DRD2: variants seen among roughly 807,000 people sequenced by gnomAD.
DRD2 encodes the protein D(2) dopamine receptor.
A neutral mutation model predicts 38.0 loss-of-function variants in DRD2; 8 were observed. That is an observed-to-expected ratio of 0.21 (90% confidence interval 0.12 to 0.38). The LOEUF (loss-of-function observed/expected upper bound fraction) is 0.38. DRD2 is among the 10% of genes least tolerant of loss of function. The pLI, the probability that DRD2 is intolerant of heterozygous loss-of-function variation, is 1.00. For synonymous variants in DRD2, 230 were observed against 238.6 expected, an observed-to-expected ratio of 0.96 and a Z score of 0.33; for missense variants, 403 against 607.7, an observed-to-expected ratio of 0.66 and a Z score of 3.54.
At chr11:113,419,611 G>T (rs964218098) in intron 2 of DRD2, among the ~76,000 whole-genome samples, 3 of 152,008 alleles carry the variant, frequency 2.0e-5, no homozygotes, top group Non-Finnish European at 4.4e-5. Flanking sequence ...GTTCCCTGAG[G>T]ATGGAGTCAG....
intron 1 of DRD2, among the ~76,000 whole-genome samples, chr11:113,448,613 C>CA (rs1951178158): frequency 6.6e-6 from 1 of 152,218 alleles, no homozygotes; most frequent in African/African-American, 2.4e-5. Flanking sequence ...AAGACAGAGC[C>CA]AGAGGGCCTG....
intron 2 of DRD2, 35 bp from the exon 3 acceptor site, chr11:113,418,171 G>A (rs965186890): frequency 7.0e-6 from 11 of 1,566,422 alleles, no homozygotes; most frequent in Non-Finnish European, 9.7e-6. Context: ...TGGACAGCAG[G>A]AGTGGGAGAT....
At chr11:113,456,572 T>A (rs77541954) in intron 1 of DRD2, among the ~76,000 whole-genome samples, 8,147 of 152,132 alleles carry the variant, frequency 0.054, 286 homozygotes, top group East Asian at 0.12. Context: ...CAATTTTTTT[T>A]AAAAAAAGAA....
chr11:113,473,401 C>T (rs905619900), intron 1 of DRD2, among the ~76,000 whole-genome samples: 17 of 152,122 alleles, frequency 1.1e-4, no homozygotes, highest in Admixed American at 7.9e-4. Flanking sequence ...AGCAAAAATA[C>T]GCATTTTTAA....
At chr11:113,474,765 T>G (rs1951463820) in intron 1 of DRD2, among the ~76,000 whole-genome samples, 1 of 151,784 alleles carries the variant, frequency 6.6e-6, no homozygotes, top group African/African-American at 2.4e-5. Context: ...GGCTCCGCCG[T>G]GCTGCCCTGG....
rs190427089 is a variant in DRD2, at chr11:113,464,252, G to A, written c.-32+10824C>T. ...CACTGGAGGTGTGTACTGCATGGCG[G>A]CAGCAGCCCCTCCCCTCCCAGCCTC... On this transcript the variant is annotated intron_variant, in intron 1 of 7. Transcript: ENST00000362072. Among the ~76,000 whole-genome samples, 18 of 152,244 alleles carry A rather than the reference G, an allele frequency of 1.2e-4. No individual in the cohort carries two copies. The South Asian group carries it at 2.9e-3, about 25-fold the overall frequency.
chr11:113,457,154 C>T (rs985269857), intron 1 of DRD2, among the ~76,000 whole-genome samples: 2 of 152,162 alleles, frequency 1.3e-5, no homozygotes, highest in Non-Finnish European at 2.9e-5. Flanking sequence ...GACAGACCTG[C>T]ATTTGAATCC....
intron 1 of DRD2, among the ~76,000 whole-genome samples, chr11:113,446,032 A>G (rs1951145153): frequency 6.6e-6 from 1 of 152,002 alleles, no homozygotes; most frequent in Admixed American, 6.5e-5. Context: ...TGGCCCAGTA[A>G]GTTTTTCTCT....
intron 1 of DRD2, among the ~76,000 whole-genome samples, chr11:113,436,887 C>T (rs1163420679): frequency 6.6e-6 from 1 of 152,126 alleles, no homozygotes; most frequent in African/African-American, 2.4e-5. Flanking sequence ...CCTTTTCTGC[C>T]AGTCTGGCTG....
intron 1 of DRD2, among the ~76,000 whole-genome samples, chr11:113,460,913 C>A (rs1238912340): frequency 6.6e-6 from 1 of 152,248 alleles, no homozygotes; most frequent in Non-Finnish European, 1.5e-5. Context: ...CTGAGAACAG[C>A]TCCTTGGAAA....
intron 1 of DRD2, among the ~76,000 whole-genome samples, chr11:113,441,800 C>G (rs1951095466): frequency 6.6e-6 from 1 of 152,100 alleles, no homozygotes; most frequent in African/African-American, 2.4e-5. Flanking sequence ...CTGGCTAACA[C>G]AGTGAAACCC....
intron 1 of DRD2, among the ~76,000 whole-genome samples, chr11:113,444,940 G>T (rs1951130839): frequency 6.6e-6 from 1 of 152,224 alleles, no homozygotes; most frequent in African/African-American, 2.4e-5. Flanking sequence ...TTTTGTAGCT[G>T]CATGGGATCT....
intron 6 of DRD2, 97 bp from the exon 7 acceptor site, chr11:113,412,980 C>T (rs1950784956): frequency 1.5e-6 from 2 of 1,334,568 alleles, no homozygotes; most frequent in South Asian, 2.6e-5. Flanking sequence ...TCTGAAGACT[C>T]CTGCAAACAC....
At chr11:113,452,116 C>T (rs751834481) in intron 1 of DRD2, among the ~76,000 whole-genome samples, 3 of 152,032 alleles carry the variant, frequency 2.0e-5, no homozygotes, top group Non-Finnish European at 2.9e-5. Context: ...GCGTCAAGTT[C>T]GGCCGTTGTG....
chr11:113,415,752 G>T, intron 4 of DRD2, 141 bp from the exon 5 acceptor site: 1 of 931,180 alleles, frequency 1.1e-6, no homozygotes, highest in Non-Finnish European at 1.6e-6. Flanking sequence ...AAGGCTGCCT[G>T]GTCATCTTAG....
At chr11:113,415,766 T>G (rs1488359295) in intron 4 of DRD2, among the ~76,000 whole-genome samples, 155 bp from the exon 5 acceptor site, 1 of 152,100 alleles carries the variant, frequency 6.6e-6, no homozygotes, top group Non-Finnish European at 1.5e-5. Flanking sequence ...ATCTTAGATA[T>G]ACACAAACGC....
intron 1 of DRD2, among the ~76,000 whole-genome samples, chr11:113,459,771 TAGAAG>T (rs1041291467): frequency 4.6e-5 from 7 of 152,292 alleles, no homozygotes; most frequent in Admixed American, 1.3e-4. Flanking sequence ...TAAAAATAGA[TAGAAG>T]AGAAGATTGG....
rs1458331500 is a variant in DRD2, at chr11:113,441,285, C to A, written c.-31-16603G>T. Among the ~76,000 whole-genome samples, 2 of 152,248 alleles carry A rather than the reference C, an allele frequency of 1.3e-5. 1 individual carries two copies. On this transcript the variant is annotated intron_variant, in intron 1 of 7. Transcript: ENST00000362072. ...GCTGGCAATGGCAGCCTGCTAAAAC[C>A]TTTTTCCTTTGCAAGGCTGCCTACT...
intron 1 of DRD2, among the ~76,000 whole-genome samples, chr11:113,459,872 C>T (rs997008599): frequency 9.9e-5 from 15 of 152,170 alleles, no homozygotes; most frequent in African/African-American, 1.4e-4. Context: ...AGTGCATGCA[C>T]GTATCAAATT....
Sources: gnomAD v4.1 joint callset for allele counts (sites outside exome capture counted in the v4.1 genomes callset) on GRCh38, gnomAD v4.1.1 for gene constraint, MANE v1.5 for transcripts, NCBI Gene and HGNC (gene_info 2026-07-23, HGNC 2026-07-21) for gene names.